Variants in ITIH5 observed in about 807,000 individuals in gnomAD.
The protein encoded by ITIH5 is inter-alpha-trypsin inhibitor heavy chain H5.
A neutral mutation model predicts 77.5 loss-of-function variants in ITIH5; 65 were observed. The observed-to-expected ratio is 0.84, with a 90% confidence interval of 0.69 to 1.03. The LOEUF (loss-of-function observed/expected upper bound fraction) is 1.03. Ranked by LOEUF, ITIH5 falls within the 50% of genes least tolerant of loss-of-function variation. The pLI is 0.00. For missense variants in ITIH5, 1,208 were observed against 1,213.1 expected (o/e 1.00, Z 0.06); for synonymous variants, 525 against 494.3 (o/e 1.06, Z -0.82).
intron 13 of ITIH5, among the ~76,000 whole-genome samples, chr10:7,564,769 T>C (rs908490729): frequency 2.6e-5 from 4 of 151,744 alleles, no homozygotes; most frequent in Non-Finnish European, 5.9e-5. Context: ...ACACAGACTG[T>C]GTATGTGTAC....
intron 5 of ITIH5, chr10:7,618,029 C>T (rs7899510): frequency 0.14 from 21,376 of 151,532 alleles, 1,655 homozygotes; most frequent in East Asian, 0.26. Flanking sequence ...TCACCCAGAG[C>T]GCAATGGTGC....
At chr10:7,650,966 A>G (rs984136355) in intron 2 of ITIH5, among the ~76,000 whole-genome samples, 1 of 150,624 alleles carries the variant, frequency 6.6e-6, no homozygotes, top group Non-Finnish European at 1.5e-5. Flanking sequence ...TATACAAGAA[A>G]ACCCTCCCCC....
intron 2 of ITIH5, among the ~76,000 whole-genome samples, chr10:7,648,223 G>A (rs1353782400): frequency 1.4e-5 from 2 of 147,030 alleles, no homozygotes; most frequent in East Asian, 4.0e-4. Flanking sequence ...CAGCCTGGGC[G>A]ACTGAGCGAG....
intron 1 of ITIH5, among the ~76,000 whole-genome samples, chr10:7,662,920 C>G (rs549701244): frequency 1.4e-4 from 22 of 151,838 alleles, no homozygotes; most frequent in Non-Finnish European, 2.4e-4. Context: ...TTTTTCCCCC[C>G]CAAATGCAAA....
intron 5 of ITIH5, chr10:7,621,896 A>G (rs905808406): frequency 4.6e-5 from 7 of 152,242 alleles, no homozygotes; most frequent in African/African-American, 1.7e-4. Context: ...CCGCAAGGAA[A>G]GACATTGGTG....
intron 1 of ITIH5, among the ~76,000 whole-genome samples, chr10:7,656,156 T>G (rs1183904827): frequency 6.6e-6 from 1 of 152,186 alleles, no homozygotes; most frequent in Non-Finnish European, 1.5e-5. Flanking sequence ...TTCTTCATGG[T>G]GTCTTTTCTG....
chr10:7,587,766 C>T (rs886904265), intron 7 of ITIH5, among the ~76,000 whole-genome samples: 3 of 152,170 alleles, frequency 2.0e-5, no homozygotes, highest in Non-Finnish European at 4.4e-5. Context: ...ACGGTGAAGT[C>T]GGGAGTGGTG....
chr10:7,655,741 T>C (rs369327157), intron 1 of ITIH5, 66 bp from the exon 2 acceptor site: 191 of 1,238,456 alleles, frequency 1.5e-4, no homozygotes, highest in Non-Finnish European at 2.1e-4. Context: ...AATATGATTG[T>C]GAGGTCATTC....
intron 2 of ITIH5, among the ~76,000 whole-genome samples, chr10:7,650,053 G>A (rs897122729): frequency 6.6e-6 from 1 of 152,196 alleles, no homozygotes; most frequent in Non-Finnish European, 1.5e-5. Flanking sequence ...CAACACAGAT[G>A]GAAAAGTCAT....
chr10:7,587,209 G>A (rs1832697282), intron 7 of ITIH5, among the ~76,000 whole-genome samples: 1 of 152,144 alleles, frequency 6.6e-6, no homozygotes, highest in Non-Finnish European at 1.5e-5. Context: ...GATGCTCAGT[G>A]ATAACAGGTA....
chr10:7,627,228 A>C (rs949948213), intron 5 of ITIH5, among the ~76,000 whole-genome samples: 60 of 152,180 alleles, frequency 3.9e-4, no homozygotes, highest in African/African-American at 1.4e-3. Context: ...GGGTGCAGCA[A>C]ACCACCATGG....
At chr10:7,615,396 G>T (rs1833343708) in intron 7 of ITIH5, among the ~76,000 whole-genome samples, 1 of 152,192 alleles carries the variant, frequency 6.6e-6, no homozygotes, top group Non-Finnish European at 1.5e-5. Flanking sequence ...TATCGTATAT[G>T]AAAGATTCTG....
In ITIH5 at chr10:7,576,778, C is replaced by T; in HGVS notation, c.1653G>A (p.Lys551=). 6.2e-7 allele frequency: 1 copy of T among 1,614,222 alleles called. No individual in the cohort carries two copies. Among genetic ancestry groups the T allele is most frequent in the Non-Finnish European group, 8.5e-7 (1 of 1,180,042 alleles). ...GGCTTCCTGTGACATCTTTCCCTGC[C>T]TTCTGAGGCCGCACAGGCACATCTG... ...LKTDVPVRPQ[K]AGKDVTGSPR... The change falls in exon 10 of 14, where the codon AAG becomes AAA. Residue 551 remains lysine (K), a synonymous_variant. Coordinates refer to ENST00000397146, the MANE Select transcript of ITIH5 (RefSeq NM_030569.7).
intron 4 of ITIH5, 78 bp downstream of exon 4, chr10:7,640,674 CAA>C (rs1833870548): frequency 3.6e-6 from 3 of 822,252 alleles, no homozygotes; most frequent in South Asian, 3.0e-5. Context: ...AGGAAGACGA[CAA>C]GAGGAGTAGG....
At chr10:7,583,534 A>G (rs1832611155) in intron 8 of ITIH5, among the ~76,000 whole-genome samples, 1 of 152,086 alleles carries the variant, frequency 6.6e-6, no homozygotes, top group Non-Finnish European at 1.5e-5. Flanking sequence ...GGGTTTCACC[A>G]TGTTGCCCAG....
At chr10:7,599,613 G>C (rs1832975619) in intron 7 of ITIH5, among the ~76,000 whole-genome samples, 1 of 151,996 alleles carries the variant, frequency 6.6e-6, no homozygotes, top group East Asian at 1.9e-4. Context: ...AAGTTCTCAC[G>C]ATTCCTCTCT....
intron 11 of ITIH5, chr10:7,572,140 A>C: frequency 9.0e-7 from 1 of 1,106,848 alleles, no homozygotes. Flanking sequence ...AAGGAATTAC[A>C]TTCTGTCTCC....
chr10:7,635,807 G>A (rs991216155), intron 5 of ITIH5, among the ~76,000 whole-genome samples: 5 of 151,988 alleles, frequency 3.3e-5, no homozygotes, highest in African/African-American at 4.8e-5. Context: ...CTCTGATTCC[G>A]CTTGTCCAGG....
intron 13 of ITIH5, among the ~76,000 whole-genome samples, 188 bp downstream of exon 13, chr10:7,565,842 T>A (rs1832141593): frequency 6.6e-6 from 1 of 150,404 alleles, no homozygotes; most frequent in South Asian, 2.1e-4. Flanking sequence ...TATGTATATG[T>A]ATATATGTAT....
Sources: allele counts gnomAD v4.1 joint callset (sites outside exome capture counted in the v4.1 genomes callset), GRCh38; gene constraint gnomAD v4.1.1; transcripts MANE v1.5; gene names NCBI Gene and HGNC (gene_info 2026-07-23, HGNC 2026-07-21).